The following FYN variants were observed in gnomAD, a reference collection of about 807,000 sequenced individuals.
The protein encoded by FYN is tyrosine-protein kinase Fyn.
FYN carries 10 observed loss-of-function variants against 70.2 expected under a neutral mutation model. The ratio of observed to expected loss-of-function variants is 0.14; its 90% CI spans 0.09 to 0.24. The LOEUF is 0.24. FYN is among the 10% of genes least tolerant of loss of function. The probability of loss-of-function intolerance (pLI) is 1.00; values close to 1 mark genes in which losing one functional copy is unlikely to be tolerated. For synonymous variants in FYN, 236 were observed against 248.6 expected (o/e 0.95, Z 0.48); for missense variants, 319 against 673.1 (o/e 0.47, Z 5.82).
intron 3 of FYN, among the ~76,000 whole-genome samples, chr6:111,725,132 G>C (rs1213012620): frequency 6.6e-6 from 1 of 152,138 alleles, no homozygotes; most frequent in Admixed American, 6.5e-5. Context: ...TCATGGCAGA[G>C]GGCTCTTGAT....
At chr6:111,852,813 C>A (rs1773720142) in intron 1 of FYN, among the ~76,000 whole-genome samples, 1 of 152,214 alleles carries the variant, frequency 6.6e-6, no homozygotes, top group South Asian at 2.1e-4. Flanking sequence ...TCCTTTTTAG[C>A]CTACTTCTAT....
At chr6:111,692,107 C>CCG (rs1554275087) in intron 12 of FYN, among the ~76,000 whole-genome samples, 1 of 148,368 alleles carries the variant, frequency 6.7e-6, no homozygotes, top group Admixed American at 6.7e-5. Flanking sequence ...CATTTCCCCC[C>CCG]CCCCCAGTTC....
chr6:111,852,979 C>T (rs1363264716), intron 1 of FYN, among the ~76,000 whole-genome samples: 1 of 152,222 alleles, frequency 6.6e-6, no homozygotes, highest in African/African-American at 2.4e-5. Flanking sequence ...AAGAACACAA[C>T]AAGGTTTCAC....
Position 111,843,177 on chromosome 6 carries a change from T to C in FYN, c.-82+3412A>G, listed in dbSNP as rs1018533249. Among the ~76,000 whole-genome samples, 4 of 152,300 alleles carry C rather than the reference T, an allele frequency of 2.6e-5. No homozygotes were observed. The East Asian group carries it at 7.7e-4, about 29-fold the overall frequency. On this transcript the variant is annotated intron_variant, in intron 2 of 13. Transcript: ENST00000354650. ...GCCTCTCTCATGGCAGGCACTGAAA[T>C]ACCTTTAATCACACCAGACAAAGGC...
intron 1 of FYN, among the ~76,000 whole-genome samples, chr6:111,849,856 C>T (rs1419973286): frequency 6.6e-6 from 1 of 152,200 alleles, no homozygotes; most frequent in Non-Finnish European, 1.5e-5. Context: ...CCCACACCCC[C>T]ATGCAGGACT....
intron 10 of FYN, 65 bp downstream of exon 10, chr6:111,696,212 A>G: frequency 3.0e-6 from 4 of 1,338,730 alleles, no homozygotes; most frequent in Non-Finnish European, 4.0e-6. Flanking sequence ...GGAAACTTCC[A>G]TTTCTCTCCC....
intron 2 of FYN, among the ~76,000 whole-genome samples, chr6:111,791,959 T>G (rs1771638674): frequency 6.6e-6 from 1 of 152,120 alleles, no homozygotes. Context: ...AGAGAACACC[T>G]TCATACCTTG....
At chr6:111,728,599 A>G (rs1265841068) in intron 3 of FYN, among the ~76,000 whole-genome samples, 1 of 152,176 alleles carries the variant, frequency 6.6e-6, no homozygotes, top group Non-Finnish European at 1.5e-5. Context: ...GAGTCACATC[A>G]TATGTGGTCT....
At chr6:111,758,046 A>T (rs1216064317) in intron 3 of FYN, among the ~76,000 whole-genome samples, 1 of 152,236 alleles carries the variant, frequency 6.6e-6, no homozygotes, top group African/African-American at 2.4e-5. Context: ...CAATAAAAAC[A>T]TGGTTATCTG....
At chr6:111,849,138 A>G (rs1056599512) in intron 1 of FYN, among the ~76,000 whole-genome samples, 1 of 152,220 alleles carries the variant, frequency 6.6e-6, no homozygotes, top group African/African-American at 2.4e-5. Flanking sequence ...TTCTTGCTGA[A>G]GCAGTGCTGA....
intron 1 of FYN, among the ~76,000 whole-genome samples, chr6:111,854,036 T>G (rs1006566009): frequency 6.6e-6 from 1 of 152,242 alleles, no homozygotes; most frequent in African/African-American, 2.4e-5. Flanking sequence ...GCAAAAGTGC[T>G]GGTTTATGCC....
chr6:111,736,472 G>T (rs906292224), intron 3 of FYN, among the ~76,000 whole-genome samples: 1 of 152,118 alleles, frequency 6.6e-6, no homozygotes, highest in African/African-American at 2.4e-5. Context: ...GCACTAAGCA[G>T]AACTGGCCTG....
intron 2 of FYN, among the ~76,000 whole-genome samples, chr6:111,818,250 T>C (rs938328762): frequency 1.3e-5 from 2 of 152,264 alleles, no homozygotes; most frequent in East Asian, 1.9e-4. Flanking sequence ...GGAGAAAACA[T>C]ACACATCTAC....
At chr6:111,803,431 C>T (rs1411850643) in intron 2 of FYN, among the ~76,000 whole-genome samples, 1 of 152,000 alleles carries the variant, frequency 6.6e-6, no homozygotes, top group East Asian at 1.9e-4. Flanking sequence ...TTTCTTATTC[C>T]TAAACTACTC....
At chr6:111,832,299 C>G (rs911877937) in intron 2 of FYN, among the ~76,000 whole-genome samples, 1 of 152,220 alleles carries the variant, frequency 6.6e-6, no homozygotes, top group Non-Finnish European at 1.5e-5. Context: ...TCTGTTACTA[C>G]TGCAAACAGA....
At chr6:111,691,467 C>T (rs558795580) in intron 12 of FYN, among the ~76,000 whole-genome samples, 1 of 151,940 alleles carries the variant, frequency 6.6e-6, no homozygotes, top group African/African-American at 2.4e-5. Flanking sequence ...AACATAAAAC[C>T]CGACTTGCAA....
intron 13 of FYN, among the ~76,000 whole-genome samples, chr6:111,669,438 C>CAAAAAAAAAAA (rs10690295): frequency 5.8e-4 from 33 of 56,824 alleles, no homozygotes; most frequent in East Asian, 1.1e-3. Flanking sequence ...CCATCCATCT[C>CAAAAAAAAAAA]AAAAAAAAAA....
At position 111,820,299 on chromosome 6, in the gene FYN, GA is replaced by G. The variant is rs1772617598; in HGVS notation, c.-82+26289del. On this transcript the variant is annotated intron_variant, in intron 2 of 13. Coordinates refer to ENST00000354650, the MANE Select transcript of FYN (RefSeq NM_002037.5). The stretch of plus-strand genomic sequence containing the variant: ...GATAAATGATATTTTTATGAAGAAT[GA>G]ATTGCATACAAAATACTGTCTTAGT... Among the ~76,000 whole-genome samples the G allele has an allele frequency of 4.6e-5, 7 of 152,204 alleles. No homozygotes were observed. In the South Asian group the frequency reaches 1.5e-3, roughly 32 times the overall value.
Position 111,762,542 on chromosome 6 carries a change from T to G in FYN, c.-12+18024A>C, listed in dbSNP as rs1340641374. 3.3e-5 allele frequency among the ~76,000 whole-genome samples: 5 copies of G among 152,254 alleles called. 1 individual carries two copies. In the East Asian group the frequency reaches 9.6e-4, roughly 29 times the overall value. ...CTAAGGCTGACAGAACAGACTCTTA[T>G]AGCAATATGATACTAACTCCAACCT... is the stretch of plus-strand genomic sequence containing the variant. On this transcript the variant is annotated intron_variant, in intron 3 of 13. Coordinates refer to ENST00000354650, the MANE Select transcript of FYN (RefSeq NM_002037.5).
Sources: allele counts gnomAD v4.1 joint callset (sites outside exome capture counted in the v4.1 genomes callset), GRCh38; gene constraint gnomAD v4.1.1; transcripts MANE v1.5; gene names NCBI Gene and HGNC (gene_info 2026-07-23, HGNC 2026-07-21).